The following AUTS2 variants were observed in gnomAD, a reference collection of about 807,000 sequenced individuals.
AUTS2 encodes the protein activator of transcription and developmental regulator AUTS2.
A neutral mutation model predicts 112.4 loss-of-function variants in AUTS2; 17 were observed. That is an observed-to-expected ratio of 0.15 (90% CI 0.10 to 0.23). The LOEUF is 0.23. Among genes scored for constraint, AUTS2 ranks in the 10% least tolerant of loss-of-function variants. The pLI is 1.00. For synonymous variants in AUTS2, 751 were observed against 702.7 expected, an observed-to-expected ratio of 1.07 and a Z score of -1.09; for missense variants, 1,510 against 1,701.6, an observed-to-expected ratio of 0.89 and a Z score of 1.98.
intron 1 of AUTS2, among the ~76,000 whole-genome samples, chr7:69,635,834 C>T (rs1794495285): frequency 6.6e-6 from 1 of 152,202 alleles, no homozygotes; most frequent in African/African-American, 2.4e-5. Context: ...TATTGCTTAC[C>T]TTGAGGATCA....
intron 4 of AUTS2, among the ~76,000 whole-genome samples, chr7:70,347,127 G>A (rs1005490315): frequency 6.6e-6 from 1 of 152,122 alleles, no homozygotes; most frequent in Non-Finnish European, 1.5e-5. Flanking sequence ...CGTTTACACT[G>A]TCTCTTCTTC....
At chr7:70,360,947 C>A (rs1792232581) in intron 4 of AUTS2, among the ~76,000 whole-genome samples, 1 of 152,188 alleles carries the variant, frequency 6.6e-6, no homozygotes, top group South Asian at 2.1e-4. Context: ...CCAGCATTAG[C>A]CAGAGTCCTC....
intron 1 of AUTS2, among the ~76,000 whole-genome samples, chr7:69,820,137 G>C (rs990093584): frequency 1.3e-5 from 2 of 152,138 alleles, no homozygotes; most frequent in Admixed American, 6.5e-5. Flanking sequence ...GATAAAGAGC[G>C]GCTCCCACAG....
At chr7:69,778,227 C>CAGAT (rs1554368093) in intron 1 of AUTS2, among the ~76,000 whole-genome samples, 2 of 139,036 alleles carry the variant, frequency 1.4e-5, no homozygotes, top group Non-Finnish European at 1.5e-5. Flanking sequence ...GCCTTATCCC[C>CAGAT]ATATATATAT....
chr7:70,346,174 G>C (rs1791488084), intron 4 of AUTS2, among the ~76,000 whole-genome samples: 1 of 152,138 alleles, frequency 6.6e-6, no homozygotes, highest in Non-Finnish European at 1.5e-5. Context: ...GTGAGCAATG[G>C]AAATCTACGT....
At chr7:70,786,270 T>C (rs1585692075) in intron 17 of AUTS2, among the ~76,000 whole-genome samples, 1 of 152,162 alleles carries the variant, frequency 6.6e-6, no homozygotes, top group Non-Finnish European at 1.5e-5. Flanking sequence ...AACGGCAGTG[T>C]AGTTGATGAC....
intron 2 of AUTS2, among the ~76,000 whole-genome samples, chr7:69,980,295 G>A (rs562854185): frequency 1.3e-5 from 2 of 152,150 alleles, no homozygotes; most frequent in South Asian, 2.1e-4. Context: ...GAATTTGTTT[G>A]TGTGCACTTA....
At chr7:70,444,358 G>GTT (rs1796235000) in intron 5 of AUTS2, among the ~76,000 whole-genome samples, 1 of 148,646 alleles carries the variant, frequency 6.7e-6, no homozygotes, top group African/African-American at 2.6e-5. Context: ...GTGTGTGTGT[G>GTT]TGTGTGTGTG....
chr7:69,807,002 G>A (rs1562896363), intron 1 of AUTS2, among the ~76,000 whole-genome samples: 1 of 151,954 alleles, frequency 6.6e-6, no homozygotes, highest in Admixed American at 6.5e-5. Context: ...AATTTTAAAC[G>A]TGTAGCAAGT....
chr7:69,965,850 C>T (rs966751936), intron 2 of AUTS2, among the ~76,000 whole-genome samples: 2 of 152,152 alleles, frequency 1.3e-5, no homozygotes, highest in Middle Eastern at 3.2e-3. Context: ...TCGTAAGACA[C>T]ACTTTCTGTC....
intron 14 of AUTS2, 49 bp downstream of exon 14, chr7:70,777,223 T>A (rs1790763362): frequency 6.5e-7 from 1 of 1,529,616 alleles, no homozygotes; most frequent in Admixed American, 1.7e-5. Flanking sequence ...CACATGTGAG[T>A]GTGTGACGTG....
intron 2 of AUTS2, among the ~76,000 whole-genome samples, chr7:70,046,080 A>G (rs751875940): frequency 3.3e-5 from 5 of 152,216 alleles, no homozygotes; most frequent in Non-Finnish European, 7.3e-5. Context: ...AAAATTAGCA[A>G]CAATATATAG....
At chr7:70,677,541 C>A (rs1244581353) in intron 5 of AUTS2, among the ~76,000 whole-genome samples, 2 of 152,158 alleles carry the variant, frequency 1.3e-5, no homozygotes, top group Admixed American at 6.5e-5. Flanking sequence ...TGTGTTTTCT[C>A]ACCTTAGCTT....
intron 1 of AUTS2, among the ~76,000 whole-genome samples, chr7:69,836,870 C>A (rs902754458): frequency 1.3e-5 from 2 of 152,090 alleles, no homozygotes; most frequent in African/African-American, 4.8e-5. Context: ...AGGATGATAG[C>A]CATAGTTTGT....
intron 2 of AUTS2, among the ~76,000 whole-genome samples, chr7:70,029,824 A>G (rs999373191): frequency 1.3e-5 from 2 of 152,204 alleles, no homozygotes; most frequent in Non-Finnish European, 2.9e-5. Context: ...TACCACAGCA[A>G]TCGTAATATG....
At chr7:70,290,567 G>A (rs1010976889) in intron 4 of AUTS2, 2 of 1,477,954 alleles carry the variant, frequency 1.4e-6, no homozygotes, top group African/African-American at 1.5e-5. Flanking sequence ...TATAGATTCT[G>A]TTGACTACTG....
At chr7:70,220,344 C>T (rs1031297270) in intron 4 of AUTS2, among the ~76,000 whole-genome samples, 3 of 152,096 alleles carry the variant, frequency 2.0e-5, no homozygotes, top group African/African-American at 7.2e-5. Flanking sequence ...GCCAACCTTT[C>T]CTCTGTACCT....
intron 1 of AUTS2, among the ~76,000 whole-genome samples, chr7:69,705,871 C>A (rs1798044284): frequency 6.6e-6 from 1 of 151,992 alleles, no homozygotes; most frequent in Admixed American, 6.6e-5. Flanking sequence ...ACATGGTCTT[C>A]CCTCTAGGTG....
chr7:70,587,777 A>G (rs1021723440), intron 5 of AUTS2, among the ~76,000 whole-genome samples: 4 of 152,242 alleles, frequency 2.6e-5, no homozygotes, highest in Admixed American at 2.0e-4. Flanking sequence ...CCAATCTAAT[A>G]ATCTTTTTGT....
Sources: gnomAD v4.1 joint callset for allele counts (sites outside exome capture counted in the v4.1 genomes callset) on GRCh38, gnomAD v4.1.1 for gene constraint, MANE v1.5 for transcripts, NCBI Gene and HGNC (gene_info 2026-07-23, HGNC 2026-07-21) for gene names.